The following LRGUK variants were observed in gnomAD, a reference collection of about 807,000 sequenced individuals.
LRGUK encodes leucine rich repeats and guanylate kinase domain containing.
LRGUK carries 65 observed loss-of-function variants against 76.0 expected under a neutral mutation model. That is an observed-to-expected ratio of 0.85 (90% CI 0.70 to 1.05). LRGUK has a LOEUF of 1.05. LRGUK is among the 50% of genes least tolerant of loss of function. LRGUK has a pLI of 0.00. For synonymous variants in LRGUK, 268 were observed against 265.6 expected (o/e 1.01, Z -0.09); for missense variants, 758 against 732.8 (o/e 1.03, Z -0.40).
chr7:134,189,526 A>T (rs1444399973), intron 11 of LRGUK, among the ~76,000 whole-genome samples: 5 of 152,216 alleles, frequency 3.3e-5, no homozygotes, highest in Non-Finnish European at 7.3e-5. Context: ...AGCATTCTGC[A>T]CATCAGTGGA....
intron 4 of LRGUK, among the ~76,000 whole-genome samples, chr7:134,144,282 C>T (rs564926179): frequency 4.6e-5 from 7 of 152,242 alleles, no homozygotes; most frequent in South Asian, 2.1e-4. Context: ...ACTACAGGCA[C>T]GTGCCAAAAC....
At chr7:134,173,846 C>T (rs1440754092) in intron 7 of LRGUK, among the ~76,000 whole-genome samples, 1 of 152,184 alleles carries the variant, frequency 6.6e-6, no homozygotes, top group African/African-American at 2.4e-5. Context: ...CCGGGTGGCT[C>T]ATGCCTGTAA....
At chr7:134,218,097 G>T (rs977901771) in intron 15 of LRGUK, among the ~76,000 whole-genome samples, 2 of 152,102 alleles carry the variant, frequency 1.3e-5, no homozygotes, top group Non-Finnish European at 2.9e-5. Flanking sequence ...GAGTAGCTGG[G>T]ATTACAGGTG....
At chr7:134,193,493 C>A (rs1800346678) in intron 12 of LRGUK, among the ~76,000 whole-genome samples, 1 of 152,090 alleles carries the variant, frequency 6.6e-6, no homozygotes, top group Non-Finnish European at 1.5e-5. Flanking sequence ...AATTCCTAGT[C>A]TAAAAAGTCA....
At chr7:134,262,740 G>A (rs1355047982) in intron 19 of LRGUK, among the ~76,000 whole-genome samples, 1 of 152,140 alleles carries the variant, frequency 6.6e-6, no homozygotes, top group African/African-American at 2.4e-5. Context: ...GGCCAAGGCG[G>A]GAGGATCATC....
chr7:134,258,347 C>A, exon 19 of LRGUK: 1 of 1,614,092 alleles, frequency 6.2e-7, no homozygotes, highest in Non-Finnish European at 8.5e-7. Context: ...CGGAGGGGAG[C>A]ATTTCTTCAC....
At chr7:134,208,928 C>G (rs1801120828) in exon 16 of LRGUK, 5 of 399,128 alleles carry the variant, frequency 1.3e-5, no homozygotes, top group Non-Finnish European at 2.2e-5. Flanking sequence ...TCCTGACAGC[C>G]ATCTCAATCC....
At chr7:134,191,341 A>G (rs1800235894) in intron 11 of LRGUK, among the ~76,000 whole-genome samples, 1 of 152,166 alleles carries the variant, frequency 6.6e-6, no homozygotes, top group Non-Finnish European at 1.5e-5. Context: ...TGGGTGGAAA[A>G]TAGTTGAGTG....
rs903945485 is a variant in LRGUK at position 134,176,441 on chromosome 7, G to A, written c.1021-536G>A. On this transcript the variant is annotated intron_variant, in intron 8 of 15. Coordinates refer to ENST00000645682, the Ensembl canonical transcript of LRGUK. Reference sequence around the variant, plus strand: ...GTCAACCAGGCTGGAGTGCAGTGGCGCGATCTCGGCTCACTGCAAGCTCCG... The same window carrying A: ...GTCAACCAGGCTGGAGTGCAGTGGCACGATCTCGGCTCACTGCAAGCTCCG... Among the ~76,000 whole-genome samples the A allele has an allele frequency of 2.0e-5, 3 of 152,016 alleles. No homozygotes were observed. The South Asian group carries it at 6.2e-4, about 32-fold the overall frequency.
intron 5 of LRGUK, among the ~76,000 whole-genome samples, chr7:134,155,334 A>G (rs954485318): frequency 6.6e-6 from 1 of 152,210 alleles, no homozygotes; most frequent in Non-Finnish European, 1.5e-5. Context: ...AAGCAGCCCA[A>G]AGAAAGTAGA....
In LRGUK at chr7:134,227,026, A is replaced by G. The variant is rs189320166; in HGVS notation, c.1983+5108A>G. 1.7e-4 allele frequency among the ~76,000 whole-genome samples: 26 copies of G among 152,034 alleles called. No individual in the cohort carries two copies. In the East Asian group the frequency reaches 5.0e-3, roughly 29 times the overall value. The stretch of plus-strand genomic sequence containing the variant: ...ATTCAGAGTAACCTTCCTGCTGAGA[A>G]CAACTAGAAAATCTGGATTAAAAAA... On this transcript the variant is annotated intron_variant, in intron 16 of 19. Coordinates refer to the LRGUK transcript ENST00000285928.
chr7:134,239,056 G>A (rs141807413), intron 16 of LRGUK, among the ~76,000 whole-genome samples: 4 of 152,268 alleles, frequency 2.6e-5, no homozygotes, highest in South Asian at 2.1e-4. Flanking sequence ...AAGAATTCAC[G>A]GTTGACCCAG....
At chr7:134,246,526 G>T (rs1009834767) in intron 16 of LRGUK, among the ~76,000 whole-genome samples, 1 of 152,228 alleles carries the variant, frequency 6.6e-6, no homozygotes, top group African/African-American at 2.4e-5. Flanking sequence ...GCTAAGACAG[G>T]TGATTAATCT....
intron 16 of LRGUK, among the ~76,000 whole-genome samples, chr7:134,240,589 A>G (rs1398939629): frequency 2.0e-5 from 3 of 152,234 alleles, no homozygotes; most frequent in East Asian, 3.8e-4. Context: ...GGTGTACCTG[A>G]AAGTGACTGG....
At chr7:134,229,561 A>T (rs1245278215) in intron 16 of LRGUK, among the ~76,000 whole-genome samples, 1 of 152,226 alleles carries the variant, frequency 6.6e-6, no homozygotes, top group East Asian at 1.9e-4. Context: ...TTATGGATTG[A>T]TGGCTCCATA....
exon 1 of LRGUK, chr7:134,127,389 C>T (rs201330287): frequency 2.5e-6 from 4 of 1,612,280 alleles, no homozygotes; most frequent in East Asian, 4.5e-5. Context: ...CGAGAGGGCT[C>T]TCCTGAGGAC....
In LRGUK at chr7:134,249,195, C is replaced by T. The variant is rs139047133; in HGVS notation, c.2198+119C>T. The T allele has an allele frequency of 3.1e-5, 36 of 1,158,454 alleles. No individual in the cohort carries two copies. The East Asian group carries it at 3.1e-4, about 10-fold the overall frequency. 71.8% of individuals were successfully genotyped at this position (1,158,454 alleles called of 1,614,324 possible). A position where few individuals can be genotyped will look rare whatever the true frequency, so the allele number is the denominator to read the frequency against. On this transcript the variant is annotated intron_variant, in intron 18 of 19. Transcript: ENST00000285928. ...AACTGGGAAGCAGGGCCCTAACTCC[C>T]GCTGTAGAATTTGAAGGGAGTAGAC...
chr7:134,273,362 A>C, the LRGUK span, among the ~76,000 whole-genome samples: 75,796 of 151,992 alleles, frequency 0.5, 19,320 homozygotes, highest in African/African-American at 0.57. Context: ...TCTATGGTAA[A>C]CTGGTCCCTG....
At chr7:134,265,371 A>T (rs1049173263), downstream of LRGUK, among the ~76,000 whole-genome samples, 1 of 152,222 alleles carries the variant, frequency 6.6e-6, no homozygotes, top group Non-Finnish European at 1.5e-5. Context: ...AAAAGAAGGC[A>T]GATGGGCTAT....
Sources: gnomAD v4.1 joint callset for allele counts (sites outside exome capture counted in the v4.1 genomes callset) on GRCh38, gnomAD v4.1.1 for gene constraint, MANE v1.5 for transcripts, NCBI Gene and HGNC (gene_info 2026-07-23, HGNC 2026-07-21) for gene names.